Variants in SULF2 observed in about 807,000 individuals in gnomAD.
SULF2 encodes the protein sulfatase 2, also known as extracellular sulfatase Sulf-2.
In SULF2, 52 loss-of-function variants were observed where a neutral mutation model predicts 107.7. The observed-to-expected ratio is 0.48, with a 90% CI of 0.39 to 0.61. SULF2 has a LOEUF of 0.61. Among genes scored for constraint, SULF2 ranks in the 20% least tolerant of loss-of-function variants. The pLI, the probability that SULF2 is intolerant of heterozygous loss-of-function variation, is 0.00. For missense variants in SULF2, 993 were observed against 1,177.3 expected (o/e 0.84, Z 2.29); for synonymous variants, 460 against 464.3 (o/e 0.99, Z 0.12).
chr20:47,773,385 G>A lies in SULF2; in HGVS notation c.-101+11958C>T, dbSNP rs143293322. 1.1e-3 allele frequency among the ~76,000 whole-genome samples: 171 copies of A among 152,358 alleles called. 1 individual carries two copies. The highest frequency in any genetic ancestry group is 3.8e-3 in the African/African-American group (158 of 41,582). ...TGGCATCTGAGCTGAGAGCAGAGGC[G>A]GGCGAGAAGCCAGTTGTGGGCAAAA... On this transcript the variant is annotated intron_variant, in intron 1 of 20. Coordinates refer to ENST00000688720, the MANE Select transcript of SULF2 (RefSeq NM_001387048.1).
Position 47,665,432 on chromosome 20 carries a change from G to A in SULF2, c.1903-139C>T, listed in dbSNP as rs1359612861. On this transcript the variant is annotated intron_variant, in intron 13 of 20. Transcript: ENST00000688720. ...CTCCCCGGGCCCCAGGGCAAGCACC[G>A]GCATGTCTGGGTGGGGAGGAGGTAC... 5.9e-6 allele frequency: 4 copies of A among 681,396 alleles called. No individual in the cohort carries two copies. In the Admixed American group the frequency reaches 7.1e-5, roughly 12 times the overall value. The allele number at this position is 681,396 out of a possible 1,614,324, so 42.2% of individuals were successfully genotyped here.
At chr20:47,672,062 T>G in intron 11 of SULF2, 136 bp downstream of exon 11, 1 of 893,036 alleles carries the variant, frequency 1.1e-6, no homozygotes, top group Non-Finnish European at 1.7e-6. Flanking sequence ...CGTGAGGAGA[T>G]GTGGCTGTGT....
rs199960182 is a variant in SULF2 at position 47,678,824 on chromosome 20, G to A, written c.1065-20C>T. 284 of 1,610,772 alleles carry A rather than the reference G, an allele frequency of 1.8e-4. 1 individual carries two copies. The African/African-American group carries it at 2.5e-3, about 14-fold the overall frequency. On this transcript the variant is annotated intron_variant, in intron 7 of 20. Coordinates refer to ENST00000688720, the MANE Select transcript of SULF2 (RefSeq NM_001387048.1). This position sits in a 1 kb window ranked among gnomAD's most constrained non-coding sequence, Gnocchi z 4.5. ...GGATTCCTGGGGGAGGCAGGAGATC[G>A]GGGACTCAGTCACTCAGGTGGTGGT... is the stretch of plus-strand genomic sequence containing the variant.
chr20:47,771,436 C>T (rs2090628268), intron 1 of SULF2, among the ~76,000 whole-genome samples: 1 of 152,136 alleles, frequency 6.6e-6, no homozygotes, highest in Non-Finnish European at 1.5e-5. Flanking sequence ...TTTAACCACT[C>T]CCAGCTTATT....
intron 2 of SULF2, among the ~76,000 whole-genome samples, chr20:47,737,772 T>TC (rs2089779229): frequency 7.2e-6 from 1 of 139,826 alleles, no homozygotes; most frequent in Admixed American, 7.1e-5. Flanking sequence ...TTTTTTTTTT[T>TC]TTTTTTTTGA....
intron 4 of SULF2, among the ~76,000 whole-genome samples, chr20:47,697,515 C>T (rs1278556900): frequency 6.6e-6 from 1 of 152,184 alleles, no homozygotes; most frequent in Non-Finnish European, 1.5e-5. Context: ...CTGGAAACCC[C>T]GGGCTCACCC....
At chr20:47,661,264 T>C (rs999574866) in intron 18 of SULF2, among the ~76,000 whole-genome samples, 3 of 152,010 alleles carry the variant, frequency 2.0e-5, no homozygotes, top group African/African-American at 7.2e-5. Flanking sequence ...CAGTGGTCGA[T>C]TGCATCCTAC....
intron 4 of SULF2, among the ~76,000 whole-genome samples, chr20:47,691,308 G>T (rs185003938): frequency 6.1e-4 from 93 of 152,356 alleles, no homozygotes; most frequent in African/African-American, 1.9e-3. Context: ...GAGCTGAGGT[G>T]AGGGGCATAT....
At chr20:47,682,941 C>T in intron 7 of SULF2, 53 bp downstream of exon 7, 5 of 1,522,088 alleles carry the variant, frequency 3.3e-6, no homozygotes, top group Non-Finnish European at 4.4e-6. Context: ...ATGGTTGAAG[C>T]CCTGAGCTGG....
chr20:47,757,860 T>A (rs1473607793), intron 1 of SULF2, among the ~76,000 whole-genome samples: 2 of 152,110 alleles, frequency 1.3e-5, no homozygotes, highest in Non-Finnish European at 2.9e-5. Flanking sequence ...TCCTCTTGCA[T>A]CTGCCCGCAC....
intron 1 of SULF2, among the ~76,000 whole-genome samples, chr20:47,779,136 A>C (rs1057374809): frequency 1.3e-5 from 2 of 151,768 alleles, no homozygotes; most frequent in South Asian, 4.2e-4. Flanking sequence ...GTCACCTTTG[A>C]CTCCTTGGCA....
At chr20:47,756,720 A>G (rs2146903411) in intron 2 of SULF2, among the ~76,000 whole-genome samples, 1 of 146,760 alleles carries the variant, frequency 6.8e-6, no homozygotes, top group East Asian at 2.0e-4. Context: ...ACCTCCACTC[A>G]CTGCAACCTC....
chr20:47,658,078 G>T lies in SULF2; in HGVS notation c.*284C>A, dbSNP rs188015377. On this transcript the variant is annotated 3_prime_UTR_variant, in exon 21 of 21. Transcript: ENST00000688720. ...TCTCCGTTTTCCTTTGTGAGCTTCTGGGGGAGGGTTAGTGGTGACTTTTTG... is the reference window on the plus strand; with the variant it reads ...TCTCCGTTTTCCTTTGTGAGCTTCTTGGGGAGGGTTAGTGGTGACTTTTTG... The T allele has an allele frequency of 1.5e-5, 7 of 462,734 alleles. No individual in the cohort carries two copies. Among genetic ancestry groups the T allele is most frequent in the East Asian group, 1.4e-4 (4 of 28,422 alleles). The allele number at this position is 462,734 out of a possible 1,614,324, so 28.7% of individuals were successfully genotyped here.
At chr20:47,724,021 G>A (rs1291985521) in intron 3 of SULF2, among the ~76,000 whole-genome samples, 1 of 152,134 alleles carries the variant, frequency 6.6e-6, no homozygotes. Flanking sequence ...ATGGACCTTG[G>A]AAGTTCTGAG....
intron 4 of SULF2, among the ~76,000 whole-genome samples, chr20:47,695,766 C>T (rs1262476686): frequency 1.3e-5 from 2 of 152,206 alleles, no homozygotes; most frequent in African/African-American, 4.8e-5. Flanking sequence ...GCATGTGCCA[C>T]CATGTCCAGC....
At chr20:47,743,680 C>T (rs192203390) in intron 2 of SULF2, among the ~76,000 whole-genome samples, 114 of 152,240 alleles carry the variant, frequency 7.5e-4, no homozygotes, top group East Asian at 2.5e-3. Context: ...AGTGACTGCC[C>T]GCCTCACTCA....
chr20:47,683,366 CG>C (rs1187707533), intron 6 of SULF2, among the ~76,000 whole-genome samples, 197 bp from the exon 7 acceptor site: 1 of 152,224 alleles, frequency 6.6e-6, no homozygotes. Context: ...CTCCCCTCCA[CG>C]GTTCTTCATG....
Position 47,672,361 on chromosome 20 carries a change from C to A in SULF2, c.1413G>T (p.Lys471Asn). ...GGCCCTTGCACTTATGCAGCTTCAGCTTCCCCGTGGCGTCCTCCACACACT... is the reference window on the plus strand; with the variant it reads ...GGCCCTTGCACTTATGCAGCTTCAGATTCCCCGTGGCGTCCTCCACACACT... ...KWQCVEDATG[K>N]LKLHKCKGPM... The change falls in exon 11 of 21, where the codon AAG (lysine) becomes AAT (asparagine). Residue 471 changes from lysine (K) to asparagine (N), a missense_variant. By Grantham distance (94) the Lys-to-Asn change is moderately conservative. Transcript: ENST00000688720. 6.2e-7 allele frequency: 1 copy of A among 1,612,536 alleles called. No individual in the cohort carries two copies. Among genetic ancestry groups the A allele is most frequent in the Non-Finnish European group, 8.5e-7 (1 of 1,179,804 alleles).
intron 2 of SULF2, among the ~76,000 whole-genome samples, chr20:47,755,208 A>G (rs2090253264): frequency 6.6e-6 from 1 of 152,204 alleles, no homozygotes; most frequent in Non-Finnish European, 1.5e-5. Context: ...TCCATCTGTC[A>G]AATGGAGAGA....
Sources: allele counts gnomAD v4.1 joint callset (sites outside exome capture counted in the v4.1 genomes callset), GRCh38; gene constraint gnomAD v4.1.1; non-coding constraint Gnocchi (gnomAD v3.1); transcripts MANE v1.5; gene names NCBI Gene and HGNC (gene_info 2026-07-23, HGNC 2026-07-21).